The following CDH12 variants were observed in gnomAD, a reference collection of about 807,000 sequenced individuals.
CDH12 encodes cadherin-12.
CDH12 carries 41 observed loss-of-function variants against 74.1 expected under a neutral mutation model. The ratio of observed to expected loss-of-function variants is 0.55; its 90% confidence interval spans 0.43 to 0.72. The LOEUF is 0.72. Among genes scored for constraint, CDH12 ranks in the 30% least tolerant of loss-of-function variants. CDH12 has a pLI of 0.00. For missense variants in CDH12, 945 were observed against 977.2 expected (o/e 0.97, Z 0.44); for synonymous variants, 399 against 355.0 (o/e 1.12, Z -1.39).
chr5:22,055,555 CA>C (rs1740678103), intron 5 of CDH12, among the ~76,000 whole-genome samples: 1 of 152,008 alleles, frequency 6.6e-6, no homozygotes, highest in African/African-American at 2.4e-5. Context: ...GTATTGAGAA[CA>C]AATTTTTTTT....
intron 4 of CDH12, among the ~76,000 whole-genome samples, chr5:22,111,737 A>C (rs550249529): frequency 6.6e-6 from 1 of 152,314 alleles, no homozygotes; most frequent in African/African-American, 2.4e-5. Flanking sequence ...CTCACTGGCC[A>C]AAAGATGGCC....
chr5:22,176,891 G>T (rs1364997971), intron 4 of CDH12, among the ~76,000 whole-genome samples: 3 of 152,002 alleles, frequency 2.0e-5, no homozygotes, highest in Non-Finnish European at 4.4e-5. Context: ...TGCCTGCAAT[G>T]CCCTTTCCCT....
intron 4 of CDH12, among the ~76,000 whole-genome samples, chr5:22,102,362 G>A (rs1744183985): frequency 6.6e-6 from 1 of 151,996 alleles, no homozygotes; most frequent in South Asian, 2.1e-4. Flanking sequence ...CCTCCAAAAA[G>A]CATTTGTTGA....
chr5:22,297,587 A>G (rs1210305006), intron 3 of CDH12, among the ~76,000 whole-genome samples: 1 of 152,238 alleles, frequency 6.6e-6, no homozygotes, highest in Non-Finnish European at 1.5e-5. Context: ...TGTATCTTCA[A>G]GCTGCTTCTA....
At chr5:22,824,185 T>G (rs745950362) in intron 1 of CDH12, among the ~76,000 whole-genome samples, 6 of 152,098 alleles carry the variant, frequency 3.9e-5, no homozygotes, top group Non-Finnish European at 8.8e-5. Flanking sequence ...AACTAAAGAT[T>G]GTATACAAAG....
intron 1 of CDH12, among the ~76,000 whole-genome samples, chr5:22,683,942 A>G (rs555865362): frequency 3.3e-4 from 50 of 152,350 alleles, no homozygotes; most frequent in African/African-American, 1.2e-3. Context: ...CTCTCTAGTC[A>G]CTGAATTTAA....
chr5:22,662,455 C>T (rs921395313), intron 1 of CDH12, among the ~76,000 whole-genome samples: 12 of 151,942 alleles, frequency 7.9e-5, no homozygotes, highest in African/African-American at 2.4e-4. Flanking sequence ...AGGAGTCATA[C>T]GGAACAAAAA....
intron 6 of CDH12, among the ~76,000 whole-genome samples, chr5:21,943,628 A>C (rs189481735): frequency 2.5e-3 from 383 of 152,338 alleles, no homozygotes; most frequent in Non-Finnish European, 3.5e-3. Context: ...AATGGATTAT[A>C]CTTAAACCTC....
intron 9 of CDH12, among the ~76,000 whole-genome samples, chr5:21,807,413 GA>G (rs1328873680): frequency 6.6e-6 from 1 of 152,090 alleles, no homozygotes; most frequent in African/African-American, 2.4e-5. Flanking sequence ...TGGTCTCAGA[GA>G]ATTGGTTTTG....
chr5:21,995,830 C>A (rs1736256036), intron 5 of CDH12, among the ~76,000 whole-genome samples: 2 of 152,002 alleles, frequency 1.3e-5, no homozygotes, highest in South Asian at 4.1e-4. Flanking sequence ...AAAAAGCCCA[C>A]AACTACTGCT....
chr5:21,946,158 A>T (rs1464052340), intron 6 of CDH12, among the ~76,000 whole-genome samples: 1 of 152,178 alleles, frequency 6.6e-6, no homozygotes, highest in Non-Finnish European at 1.5e-5. Context: ...TAAATTCAAT[A>T]CCCAGCAATA....
chr5:21,987,197 A>C (rs1309499610), intron 5 of CDH12, among the ~76,000 whole-genome samples: 2 of 152,118 alleles, frequency 1.3e-5, no homozygotes, highest in African/African-American at 2.4e-5. Context: ...CTGGCTACAT[A>C]AAATCAAATC....
intron 1 of CDH12, among the ~76,000 whole-genome samples, chr5:22,759,393 T>A (rs1389818348): frequency 6.6e-6 from 1 of 152,140 alleles, no homozygotes; most frequent in Non-Finnish European, 1.5e-5. Flanking sequence ...TGTTTTGGGG[T>A]TAAAAAGTAC....
chr5:21,880,616 C>CTTCCTTCTTTCTCTCTTTCT, intron 6 of CDH12, among the ~76,000 whole-genome samples: 1 of 50,866 alleles, frequency 2.0e-5, no homozygotes, highest in East Asian at 6.4e-4. Context: ...TCCTTCCTTC[C>CTTCCTTCTTTCTCTCTTTCT]TTCTTTCTTT....
intron 2 of CDH12, among the ~76,000 whole-genome samples, chr5:22,415,059 TA>T (rs1385123852): frequency 6.6e-6 from 1 of 152,076 alleles, no homozygotes; most frequent in Non-Finnish European, 1.5e-5. Flanking sequence ...TATAATCTCT[TA>T]AACTTTTAGA....
At chr5:22,591,321 A>G (rs1420006666) in intron 1 of CDH12, among the ~76,000 whole-genome samples, 1 of 152,206 alleles carries the variant, frequency 6.6e-6, no homozygotes, top group Non-Finnish European at 1.5e-5. Flanking sequence ...AAATAAGCCT[A>G]GCTATAAAAA....
chr5:22,743,651 CAT>C (rs2127022021), intron 1 of CDH12, among the ~76,000 whole-genome samples: 1 of 152,168 alleles, frequency 6.6e-6, no homozygotes, highest in South Asian at 2.1e-4. Context: ...AGGAGTTACA[CAT>C]GTTAAAATAT....
In CDH12 at chr5:22,230,109, G is replaced by GT. The variant is rs200169998; in HGVS notation, c.-332-17467dup. On this transcript the variant is annotated intron_variant, in intron 3 of 14. Coordinates refer to ENST00000382254, the MANE Select transcript of CDH12 (RefSeq NM_004061.5). ...ATACATAGTTCAACAGCATATAGGT[G>GT]TTTTGTATGAAAAGCTCAATTTGTT... Among the ~76,000 whole-genome samples the GT allele has an allele frequency of 5.9e-3, 897 of 152,206 alleles. 14 individuals carry two copies. In the South Asian group the frequency reaches 0.077, roughly 13 times the overall value.
At chr5:22,524,652 A>G (rs1737189946) in intron 1 of CDH12, among the ~76,000 whole-genome samples, 1 of 152,188 alleles carries the variant, frequency 6.6e-6, no homozygotes, top group Non-Finnish European at 1.5e-5. Context: ...ATGTTGCAGT[A>G]TCAGTTGGAA....
Sources: gnomAD v4.1 joint callset for allele counts (sites outside exome capture counted in the v4.1 genomes callset) on GRCh38, gnomAD v4.1.1 for gene constraint, MANE v1.5 for transcripts, NCBI Gene and HGNC (gene_info 2026-07-23, HGNC 2026-07-21) for gene names.